The following PLEKHB2 variants were observed in gnomAD, a reference collection of about 807,000 sequenced individuals.
PLEKHB2 encodes pleckstrin homology domain containing B2.
Under a neutral mutation model 36.5 loss-of-function variants are expected in PLEKHB2, and 31 were observed. The ratio of observed to expected loss-of-function variants is 0.85; its 90% CI spans 0.64 to 1.15. The LOEUF (loss-of-function observed/expected upper bound fraction) is 1.15. Among genes scored for constraint, PLEKHB2 ranks in the 50% most tolerant of loss-of-function variants. The probability of loss-of-function intolerance (pLI) is 0.00; values close to 1 mark genes in which losing one functional copy is unlikely to be tolerated. For missense variants in PLEKHB2, 262 were observed against 295.3 expected, an observed-to-expected ratio of 0.89 and a Z score of 0.83; for synonymous variants, 119 against 112.0, an observed-to-expected ratio of 1.06 and a Z score of -0.39.
intron 6 of PLEKHB2, among the ~76,000 whole-genome samples, chr2:131,138,690 C>A (rs979555417): frequency 6.6e-5 from 10 of 152,270 alleles, no homozygotes; most frequent in African/African-American, 2.4e-4. Context: ...AGGAAAGGCT[C>A]TTTCTTATTG....
chr2:131,142,948 TTGA>T (rs1396492675), intron 7 of PLEKHB2, among the ~76,000 whole-genome samples: 3 of 152,202 alleles, frequency 2.0e-5, no homozygotes, highest in Non-Finnish European at 4.4e-5. Context: ...TAATGATTTT[TTGA>T]CTTTCCGATG....
At chr2:131,124,276 A>T (rs1433446209) in intron 2 of PLEKHB2, among the ~76,000 whole-genome samples, 2 of 152,194 alleles carry the variant, frequency 1.3e-5, no homozygotes, top group African/African-American at 2.4e-5. Context: ...GGAAAGCCGA[A>T]TGGCGCATAT....
intron 7 of PLEKHB2, among the ~76,000 whole-genome samples, chr2:131,141,355 G>A (rs1698758803): frequency 6.6e-6 from 1 of 152,028 alleles, no homozygotes. Context: ...ATGATAATAA[G>A]TAGTCCGGGC....
rs138100832 is a variant in PLEKHB2 at position 131,140,152 on chromosome 2, C to A, written c.424-15C>A. Reference sequence around the variant, plus strand: ...GTTTCACAATTGTATTTCTAATGGGCCTGTTTCTTTTCAGCAGGCTTATGG... The same window carrying A: ...GTTTCACAATTGTATTTCTAATGGGACTGTTTCTTTTCAGCAGGCTTATGG... On this transcript the variant is annotated splice_polypyrimidine_tract_variant and intron_variant, in intron 6 of 7. Coordinates refer to ENST00000693505, the MANE Select transcript of PLEKHB2 (RefSeq NM_001100623.2). 1.3e-4 allele frequency: 198 copies of A among 1,511,258 alleles called. No individual in the cohort carries two copies. In the African/African-American group the frequency reaches 2.2e-3, roughly 16 times the overall value. 93.6% of individuals were successfully genotyped at this position (1,511,258 alleles called of 1,614,324 possible).
intron 2 of PLEKHB2, among the ~76,000 whole-genome samples, chr2:131,125,073 C>T (rs971940939): frequency 3.3e-5 from 5 of 152,096 alleles, no homozygotes; most frequent in East Asian, 1.9e-4. Flanking sequence ...CGTGAACCAC[C>T]GTGCCTGGCC....
chr2:131,149,159 C>T lies in PLEKHB2; in HGVS notation c.*2386C>T, dbSNP rs1699505718. On this transcript the variant is annotated 3_prime_UTR_variant, in exon 8 of 8. Transcript: ENST00000693505. ...ACTTGGCTGTCATTAGTGACTTGAT[C>T]CTGGTATGAAATGCATACTGGGTAT... 1 of 152,156 alleles carries T rather than the reference C, an allele frequency of 6.6e-6. No individual in the cohort carries two copies. Among genetic ancestry groups the T allele is most frequent in the South Asian group, 2.1e-4 (1 of 4,830 alleles). 9.4% of individuals were successfully genotyped at this position (152,156 alleles called of 1,614,324 possible).
chr2:131,121,564 T>C (rs1696523361), intron 2 of PLEKHB2, among the ~76,000 whole-genome samples: 1 of 152,094 alleles, frequency 6.6e-6, no homozygotes, highest in African/African-American at 2.4e-5. Flanking sequence ...TTATTATTAA[T>C]GATGGATCTG....
chr2:131,140,784 A>G (rs1454496831), intron 7 of PLEKHB2, among the ~76,000 whole-genome samples: 1 of 152,160 alleles, frequency 6.6e-6, no homozygotes. Context: ...TATCATGTCC[A>G]GGTCTCCTGG....
At chr2:131,140,408 CTG>C (rs1472150597) in intron 7 of PLEKHB2, 133 bp downstream of exon 7, 1 of 587,584 alleles carries the variant, frequency 1.7e-6, no homozygotes, top group Non-Finnish European at 3.0e-6. Flanking sequence ...ACAAATCACT[CTG>C]TTACTATGCT....
At chr2:131,131,728 C>T (rs1420169569) in intron 5 of PLEKHB2, among the ~76,000 whole-genome samples, 1 of 151,088 alleles carries the variant, frequency 6.6e-6, no homozygotes, top group Non-Finnish European at 1.5e-5. Context: ...ACTCTACAGC[C>T]GCAGTTACCT....
chr2:131,119,943 A>G (rs1256407156), intron 1 of PLEKHB2, among the ~76,000 whole-genome samples: 1 of 149,946 alleles, frequency 6.7e-6, no homozygotes, highest in Non-Finnish European at 1.5e-5. Context: ...CCTTGCTGCC[A>G]TATGGTTATG....
Position 131,108,935 on chromosome 2 carries a change from A to G in PLEKHB2, c.-9+3537A>G, listed in dbSNP as rs531929294. Among the ~76,000 whole-genome samples, 22 of 152,316 alleles carry G rather than the reference A, an allele frequency of 1.4e-4. No homozygotes were observed. In the South Asian group the frequency reaches 2.5e-3, roughly 17 times the overall value. On this transcript the variant is annotated intron_variant, in intron 1 of 7. Coordinates refer to ENST00000693505, the MANE Select transcript of PLEKHB2 (RefSeq NM_001100623.2). The stretch of plus-strand genomic sequence containing the variant: ...TAGGTGGTGGGAATTTTCGTTTTAT[A>G]GATCAGGCTTGGAAACGTGACTTGT...
intron 6 of PLEKHB2, among the ~76,000 whole-genome samples, chr2:131,139,315 T>C (rs1197323728): frequency 2.0e-5 from 3 of 150,412 alleles, no homozygotes; most frequent in Admixed American, 6.6e-5. Flanking sequence ...GTTTGCTTTG[T>C]ATATAATGAC....
chr2:131,117,929 T>A (rs1159979243), intron 1 of PLEKHB2, among the ~76,000 whole-genome samples: 5 of 152,238 alleles, frequency 3.3e-5, no homozygotes. Context: ...AATATGATGC[T>A]GGTAGTTCTC....
Position 131,125,740 on chromosome 2 carries a change from T to A in PLEKHB2, c.38-13T>A. The stretch of plus-strand genomic sequence containing the variant: ...AAAAAAAAAAAAACAACCGTACTAT[T>A]TTTTTTTTCCAGGTACTATTTTGAA... On this transcript the variant is annotated splice_polypyrimidine_tract_variant and intron_variant, in intron 2 of 7. Transcript: ENST00000693505. 6.3e-7 allele frequency: 1 copy of A among 1,580,138 alleles called. No homozygotes were observed. Among genetic ancestry groups the A allele is most frequent in the South Asian group, 1.2e-5 (1 of 85,048 alleles).
intron 7 of PLEKHB2, among the ~76,000 whole-genome samples, chr2:131,140,949 G>A (rs1698726003): frequency 1.3e-5 from 2 of 152,210 alleles, no homozygotes; most frequent in African/African-American, 2.4e-5. Flanking sequence ...ATGCACAGGT[G>A]GGTGGGCTGG....
rs1699446470 is a variant in PLEKHB2 at position 131,148,348 on chromosome 2, T to C, written c.*1575T>C. The C allele has an allele frequency of 6.6e-6, 1 of 152,252 alleles. No individual in the cohort carries two copies. Among genetic ancestry groups the C allele is most frequent in the South Asian group, 2.1e-4 (1 of 4,832 alleles). The allele number at this position is 152,252 out of a possible 1,614,324, so 9.4% of individuals were successfully genotyped here. On this transcript the variant is annotated 3_prime_UTR_variant, in exon 8 of 8. Coordinates refer to ENST00000693505, the MANE Select transcript of PLEKHB2 (RefSeq NM_001100623.2). ...TTATTTTCAGTATATGAAGTGTGTA[T>C]TTGAAATATTCATATTTCTGTTATT...
In PLEKHB2 at chr2:131,107,098, A is replaced by G. The variant is rs139784956; in HGVS notation, c.-9+1700A>G. ...TGCTTATGCTTTTCAGCTTGCATTA[A>G]TATTTTTGTTTCTCCTTTCCTCTGC... On this transcript the variant is annotated intron_variant, in intron 1 of 7. Coordinates refer to ENST00000693505, the MANE Select transcript of PLEKHB2 (RefSeq NM_001100623.2). Among the ~76,000 whole-genome samples, 44 of 152,272 alleles carry G rather than the reference A, an allele frequency of 2.9e-4. 1 individual carries two copies. The highest frequency in any genetic ancestry group is 9.9e-4 in the African/African-American group (41 of 41,550).
chr2:131,110,110 G>A (rs1035644750), intron 1 of PLEKHB2, among the ~76,000 whole-genome samples: 8 of 150,188 alleles, frequency 5.3e-5, no homozygotes, highest in African/African-American at 2.0e-4. Flanking sequence ...GTGAGACTCC[G>A]TCTCAAAAAA....
Sources: gnomAD v4.1 joint callset for allele counts (sites outside exome capture counted in the v4.1 genomes callset) on GRCh38, gnomAD v4.1.1 for gene constraint, MANE v1.5 for transcripts, NCBI Gene and HGNC (gene_info 2026-07-23, HGNC 2026-07-21) for gene names.